Variants in ARHGAP11B observed in about 807,000 individuals in gnomAD.
The protein encoded by ARHGAP11B is inactive Rho GTPase-activating protein 11B.
In ARHGAP11B, 14 loss-of-function variants were observed where a neutral mutation model predicts 27.6. The ratio of observed to expected loss-of-function variants is 0.51; its 90% CI spans 0.34 to 0.79. ARHGAP11B has a LOEUF of 0.79. ARHGAP11B is among the 30% of genes least tolerant of loss of function. The pLI is 0.02. For synonymous variants in ARHGAP11B, 82 were observed against 114.1 expected (o/e 0.72, Z 1.80); for missense variants, 245 against 320.1 (o/e 0.77, Z 1.79).
rs565820311 is a variant in ARHGAP11B, at chr15:30,627,077, C to T, written c.129+128C>T. ...GAATGGTTAGGTGTGTAATTCAGTT[C>T]AGATGATCGATTGCTGATATTTAAA... is the stretch of plus-strand genomic sequence containing the variant. On this transcript the variant is annotated intron_variant, in intron 1 of 10. Transcript: ENST00000428041. The T allele has an allele frequency of 5.9e-6, 8 of 1,346,086 alleles. No individual in the cohort carries two copies. The East Asian group carries it at 1.8e-4, about 31-fold the overall frequency. 83.4% of individuals were successfully genotyped at this position (1,346,086 alleles called of 1,614,324 possible).
In ARHGAP11B at chr15:30,634,178, G is replaced by A. The variant is rs781042733; in HGVS notation, c.306G>A (p.Val102=). The A allele has an allele frequency of 9.3e-6, 15 of 1,605,174 alleles. No homozygotes were observed. In the East Asian group the frequency reaches 3.4e-4, roughly 36 times the overall value. Residue 102 remains valine (V), a synonymous_variant, in exon 4 of 11, where the codon GTG becomes GTA. Transcript: ENST00000428041. ...TATTATATTTATTTCAGAATAAAGT[G>A]GATCATGGTGAAGGTTGCCTATCTT...
chr15:30,641,862 A>T (rs950457363), intron 7 of ARHGAP11B, among the ~76,000 whole-genome samples: 2 of 151,736 alleles, frequency 1.3e-5, no homozygotes, highest in African/African-American at 4.8e-5. Flanking sequence ...GATTACAGGC[A>T]TGCACCACCA....
At chr15:30,630,870 G>A (rs1373363024) in intron 2 of ARHGAP11B, 97 bp downstream of exon 2, 28 of 1,599,174 alleles carry the variant, frequency 1.8e-5, no homozygotes, top group African/African-American at 5.4e-5. Flanking sequence ...ACTTGAGTCC[G>A]GGAGCTTAAG....
intron 7 of ARHGAP11B, among the ~76,000 whole-genome samples, chr15:30,641,013 C>T (rs1235965622): frequency 6.6e-6 from 1 of 151,740 alleles, no homozygotes; most frequent in African/African-American, 2.4e-5. Context: ...ACATTTTCCC[C>T]AAGGAATGAA....
At chr15:30,645,062 T>C (rs1234887167) in intron 8 of ARHGAP11B, among the ~76,000 whole-genome samples, 1 of 151,730 alleles carries the variant, frequency 6.6e-6, no homozygotes, top group African/African-American at 2.4e-5. Flanking sequence ...CAAGGAAGGA[T>C]TGGGATTCTA....
At chr15:30,634,449 AAAT>A (rs779024152) in intron 4 of ARHGAP11B, 26 bp downstream of exon 4, 2 of 1,594,022 alleles carry the variant, frequency 1.3e-6, no homozygotes, top group Non-Finnish European at 8.5e-7. Flanking sequence ...AACTCTTGGC[AAAT>A]AATAGTTGAA....
chr15:30,627,922 C>T (rs984420159), intron 1 of ARHGAP11B, among the ~76,000 whole-genome samples: 4 of 151,806 alleles, frequency 2.6e-5, no homozygotes, highest in South Asian at 2.1e-4. Flanking sequence ...TTGTTGGTAG[C>T]AAATTAATGG....
intron 9 of ARHGAP11B, among the ~76,000 whole-genome samples, chr15:30,646,785 C>T (rs1292464438): frequency 2.6e-5 from 4 of 151,836 alleles, no homozygotes; most frequent in Non-Finnish European, 2.9e-5. Flanking sequence ...GCCTGGCCAA[C>T]GTGGTGAAAC....
intron 2 of ARHGAP11B, among the ~76,000 whole-genome samples, chr15:30,631,480 G>A (rs1187325522): frequency 1.3e-5 from 2 of 151,984 alleles, no homozygotes; most frequent in Non-Finnish European, 2.9e-5. Context: ...GGGCAACAAA[G>A]CAAGACTCCA....
chr15:30,645,338 A>G (rs2060340606), intron 8 of ARHGAP11B, among the ~76,000 whole-genome samples: 1 of 152,020 alleles, frequency 6.6e-6, no homozygotes, highest in African/African-American at 2.4e-5. Context: ...AAATATATTT[A>G]GGTTTAAATA....
At chr15:30,636,076 G>A (rs2060278085) in intron 6 of ARHGAP11B, among the ~76,000 whole-genome samples, 1 of 151,152 alleles carries the variant, frequency 6.6e-6, no homozygotes, top group Admixed American at 6.6e-5. Context: ...TAAGGATAAA[G>A]GATGGTATTA....
At chr15:30,640,328 C>T (rs1485858032) in intron 7 of ARHGAP11B, among the ~76,000 whole-genome samples, 2 of 116,358 alleles carry the variant, frequency 1.7e-5, no homozygotes, top group Non-Finnish European at 3.6e-5. Flanking sequence ...TGTGCCATGG[C>T]TTCCAGATCC....
chr15:30,649,115 C>T (rs144200471), exon 11 of ARHGAP11B: 23 of 152,134 alleles, frequency 1.5e-4, no homozygotes, highest in South Asian at 2.1e-4. Context: ...GAGATTGGTT[C>T]TAGTATCCCC....
chr15:30,637,823 T>G (rs1477372633), intron 6 of ARHGAP11B, among the ~76,000 whole-genome samples: 1 of 149,124 alleles, frequency 6.7e-6, no homozygotes, highest in Non-Finnish European at 1.5e-5. Context: ...TCACTTTTTT[T>G]TTTTTTTTTT....
chr15:30,644,595 A>T lies in ARHGAP11B; in HGVS notation c.*79-44A>T, dbSNP rs542434199. Reference sequence around the variant, plus strand: ...AAGGGACATATAAGGAGACATATCAATCTCAAAAATTGTCTCAAAAGGTTT... The same window carrying T: ...AAGGGACATATAAGGAGACATATCATTCTCAAAAATTGTCTCAAAAGGTTT... On this transcript the variant is annotated intron_variant, in intron 7 of 10. Coordinates refer to ENST00000428041, the Ensembl canonical transcript of ARHGAP11B. 1.7e-5 allele frequency: 21 copies of T among 1,242,908 alleles called. No individual in the cohort carries two copies. In the East Asian group the frequency reaches 4.0e-4, roughly 23 times the overall value. The allele number at this position is 1,242,908 out of a possible 1,614,324, so 77.0% of individuals were successfully genotyped here. A position where few individuals can be genotyped will look rare whatever the true frequency, so the allele number is the denominator to read the frequency against.
intron 7 of ARHGAP11B, among the ~76,000 whole-genome samples, chr15:30,640,312 G>A (rs1230279459): frequency 1.7e-5 from 2 of 115,524 alleles, no homozygotes; most frequent in Non-Finnish European, 3.6e-5. Flanking sequence ...TGTTGACGCT[G>A]TTCCTTGTGC....
At position 30,626,887 on chromosome 15, in the gene ARHGAP11B, G is replaced by C. The variant is rs751449533; in HGVS notation, c.67G>C (p.Val23Leu). Reference sequence around the variant, plus strand: ...TCTGCGGGCCTTCTATGGTATTAAGGTGAAGGGTGTCCGTGGGCAGTGCGA... The same window carrying C: ...TCTGCGGGCCTTCTATGGTATTAAGCTGAAGGGTGTCCGTGGGCAGTGCGA... The change falls in exon 1 of 11, where the codon GTG becomes CTG. Residue 23 changes from valine to leucine, a missense_variant. Coordinates refer to ENST00000428041, the Ensembl canonical transcript of ARHGAP11B. The C allele has an allele frequency of 6.8e-6, 11 of 1,613,522 alleles. No individual in the cohort carries two copies. The highest frequency in any genetic ancestry group is 9.3e-6 in the Non-Finnish European group (11 of 1,179,776).
At chr15:30,644,831 T>A (rs2060337081) in intron 8 of ARHGAP11B, 1 of 877,618 alleles carries the variant, frequency 1.1e-6, no homozygotes, top group African/African-American at 1.7e-5. Flanking sequence ...TTGGTTATAT[T>A]CTTGGGTCAG....
chr15:30,641,560 G>GA (rs1383423632), intron 7 of ARHGAP11B: 1 of 151,920 alleles, frequency 6.6e-6, no homozygotes, highest in Non-Finnish European at 1.5e-5. Context: ...GGCTGGTCTT[G>GA]AACTCCTGAC....
Sources: gnomAD v4.1 joint callset for allele counts (sites outside exome capture counted in the v4.1 genomes callset) on GRCh38, gnomAD v4.1.1 for gene constraint, MANE v1.5 for transcripts, NCBI Gene and HGNC (gene_info 2026-07-23, HGNC 2026-07-21) for gene names.